Variants in NIPSNAP2 observed in about 807,000 individuals in gnomAD.
The protein encoded by NIPSNAP2 is protein NipSnap homolog 2.
NIPSNAP2 carries 42 observed loss-of-function variants against 48.4 expected under a neutral mutation model. That is an observed-to-expected ratio of 0.87 (90% CI 0.68 to 1.12). The LOEUF is 1.12. Among genes scored for constraint, NIPSNAP2 ranks in the 50% most tolerant of loss-of-function variants. NIPSNAP2 has a pLI of 0.00. For missense variants in NIPSNAP2, 314 were observed against 347.3 expected (o/e 0.90, Z 0.76); for synonymous variants, 158 against 126.6 (o/e 1.25, Z -1.67).
At chr7:55,991,222 G>T (rs773352997) in intron 7 of NIPSNAP2, among the ~76,000 whole-genome samples, 74 of 152,112 alleles carry the variant, frequency 4.9e-4, no homozygotes, top group Non-Finnish European at 8.1e-4. Context: ...GATCATCAAA[G>T]GCTAAATAAT....
intron 1 of NIPSNAP2, among the ~76,000 whole-genome samples, chr7:55,974,290 G>C (rs1227397902): frequency 4.0e-5 from 6 of 151,600 alleles, no homozygotes; most frequent in African/African-American, 1.5e-4. Context: ...GAAAGAAAAA[G>C]GCTGCCAGTA....
intron 1 of NIPSNAP2, among the ~76,000 whole-genome samples, chr7:55,970,714 GC>G (rs1379792144): frequency 6.6e-6 from 1 of 152,044 alleles, no homozygotes; most frequent in African/African-American, 2.4e-5. Context: ...CTTCTGCCTT[GC>G]TAAACAGCTT....
At chr7:55,979,836 A>G (rs899248177) in intron 3 of NIPSNAP2, 2 of 456,562 alleles carry the variant, frequency 4.4e-6, no homozygotes, top group Middle Eastern at 3.3e-4. Flanking sequence ...ATTCTGCCCA[A>G]CCCATCCAGT....
chr7:55,975,594 G>A (rs1267254924), intron 1 of NIPSNAP2, among the ~76,000 whole-genome samples: 2 of 152,178 alleles, frequency 1.3e-5, no homozygotes, highest in African/African-American at 4.8e-5. Context: ...TTCAAGGGGT[G>A]AAGAAGCTGT....
intron 7 of NIPSNAP2, among the ~76,000 whole-genome samples, chr7:55,994,109 T>C (rs1040903455): frequency 6.6e-6 from 1 of 152,166 alleles, no homozygotes; most frequent in Non-Finnish European, 1.5e-5. Context: ...GTGTGCTTCC[T>C]TCACCTGTGT....
At chr7:55,982,324 A>T (rs753866562) in intron 5 of NIPSNAP2, 44 bp downstream of exon 5, 24 of 1,085,364 alleles carry the variant, frequency 2.2e-5, no homozygotes, top group Non-Finnish European at 3.0e-5. Context: ...TGATATATAG[A>T]TGTTAGTACA....
At chr7:55,976,916 A>T (rs544533849) in intron 1 of NIPSNAP2, among the ~76,000 whole-genome samples, 5 of 152,046 alleles carry the variant, frequency 3.3e-5, no homozygotes, top group African/African-American at 1.2e-4. Context: ...GAAAAAATCC[A>T]TGAGTAAAGT....
intron 3 of NIPSNAP2, chr7:55,980,137 C>G (rs566268006): frequency 4.7e-6 from 1 of 214,390 alleles, no homozygotes; most frequent in South Asian, 7.8e-5. Context: ...ATCCCTCTTT[C>G]CCTGTCCTCG....
intron 7 of NIPSNAP2, among the ~76,000 whole-genome samples, chr7:55,993,239 C>T (rs942669178): frequency 6.6e-6 from 1 of 151,130 alleles, no homozygotes; most frequent in Non-Finnish European, 1.5e-5. Flanking sequence ...GCAGAGGTTG[C>T]AGTGAGCCGA....
intron 1 of NIPSNAP2, among the ~76,000 whole-genome samples, chr7:55,967,186 A>T (rs1180735425): frequency 1.3e-5 from 2 of 152,218 alleles, no homozygotes. Flanking sequence ...CCCAGGATTT[A>T]ACTCCTCTTC....
At chr7:55,972,670 C>T (rs1202692297) in intron 1 of NIPSNAP2, among the ~76,000 whole-genome samples, 1 of 152,078 alleles carries the variant, frequency 6.6e-6, no homozygotes, top group African/African-American at 2.4e-5. Context: ...AGGTGATCCA[C>T]CCGCCTCCTT....
intron 1 of NIPSNAP2, among the ~76,000 whole-genome samples, chr7:55,974,847 TAAA>T (rs11391060): frequency 1.8e-5 from 2 of 112,248 alleles, no homozygotes; most frequent in African/African-American, 3.7e-5. Flanking sequence ...GACTCTGTCT[TAAA>T]AAAAAAAAAA....
chr7:55,997,584 G>C (rs1787587482), intron 9 of NIPSNAP2, 135 bp downstream of exon 9: 1 of 616,862 alleles, frequency 1.6e-6, no homozygotes, highest in African/African-American at 1.9e-5. Context: ...GGGGGGAAGG[G>C]AGATAGTCAA....
chr7:55,997,537 A>G lies in NIPSNAP2; in HGVS notation c.796+88A>G. On this transcript the variant is annotated intron_variant, in intron 9 of 9. Coordinates refer to ENST00000322090, the MANE Select transcript of NIPSNAP2 (RefSeq NM_001483.3). ...CCTGACACTAATAGGTGGGTTTTGT[A>G]ATAGTATGTTGCTAGGATAGTGAGT... 4.0e-6 allele frequency: 4 copies of G among 1,010,590 alleles called. No individual in the cohort carries two copies. The East Asian group carries it at 9.9e-5, about 25-fold the overall frequency. 62.6% of individuals were successfully genotyped at this position (1,010,590 alleles called of 1,614,324 possible).
At chr7:55,981,126 G>A (rs1371430257) in intron 3 of NIPSNAP2, 2 of 157,340 alleles carry the variant, frequency 1.3e-5, no homozygotes, top group Non-Finnish European at 2.8e-5. Context: ...GGAACCAACA[G>A]AATGTTTTTT....
intron 1 of NIPSNAP2, chr7:55,965,352 T>C (rs1412183560): frequency 3.3e-5 from 5 of 150,792 alleles, no homozygotes; most frequent in Non-Finnish European, 5.9e-5. Flanking sequence ...TTTTTTTTTT[T>C]CTAACTTCAG....
At chr7:55,973,287 T>G (rs979848385) in intron 1 of NIPSNAP2, among the ~76,000 whole-genome samples, 3 of 152,154 alleles carry the variant, frequency 2.0e-5, no homozygotes, top group Non-Finnish European at 4.4e-5. Context: ...AACTTACATC[T>G]GCAAATGCCA....
chr7:55,988,133 A>G (rs1430078084), intron 7 of NIPSNAP2, among the ~76,000 whole-genome samples: 1 of 152,062 alleles, frequency 6.6e-6, no homozygotes, highest in East Asian at 1.9e-4. Context: ...GTGGTAGCAC[A>G]TGCCTGTAAT....
At chr7:55,997,574 G>A (rs551683324) in intron 9 of NIPSNAP2, 125 bp downstream of exon 9, 14 of 666,740 alleles carry the variant, frequency 2.1e-5, no homozygotes, top group Non-Finnish European at 3.4e-5. Context: ...ATCAGGTTGT[G>A]GGGGGAAGGG....
Sources: gnomAD v4.1 joint callset for allele counts (sites outside exome capture counted in the v4.1 genomes callset) on GRCh38, gnomAD v4.1.1 for gene constraint, MANE v1.5 for transcripts, NCBI Gene and HGNC (gene_info 2026-07-23, HGNC 2026-07-21) for gene names.